ABCA5: variants seen among roughly 807,000 people sequenced by gnomAD.
ABCA5 encodes the protein cholesterol transporter ABCA5.
Under a neutral mutation model 206.0 loss-of-function variants are expected in ABCA5, and 163 were observed. That is an observed-to-expected ratio of 0.79 (90% CI 0.70 to 0.90). The LOEUF (loss-of-function observed/expected upper bound fraction) is 0.90. Among genes scored for constraint, ABCA5 ranks in the 40% least tolerant of loss-of-function variants. The pLI is 0.00. For missense variants in ABCA5, 1,859 were observed against 1,912.9 expected (o/e 0.97, Z 0.53); for synonymous variants, 609 against 613.8 (o/e 0.99, Z 0.11).
At chr17:69,261,575 A>G in intron 25 of ABCA5, 60 bp downstream of exon 25, 1 of 795,400 alleles carries the variant, frequency 1.3e-6, no homozygotes. Flanking sequence ...TATAATCAGG[A>G]AAGAATTCAT....
chr17:69,282,263 A>C (rs1192894842), intron 18 of ABCA5, among the ~76,000 whole-genome samples: 1 of 152,148 alleles, frequency 6.6e-6, no homozygotes, highest in Non-Finnish European at 1.5e-5. Context: ...GAAAAAGTAG[A>C]GTAATAATTG....
chr17:69,313,295 T>A lies in ABCA5; in HGVS notation c.104A>T (p.Glu35Val). The A allele has an allele frequency of 1.5e-6, 2 of 1,327,162 alleles. No homozygotes were observed. Among genetic ancestry groups the A allele is most frequent in the African/African-American group, 1.5e-5 (1 of 67,104 alleles). The allele number at this position is 1,327,162 out of a possible 1,614,324, so 82.2% of individuals were successfully genotyped here. ...TAAAAAAAATAGTGGAAAAAGAATTTCCTACAATAAAAGAAACAAAGTAAT... is the reference window on the plus strand; with the variant it reads ...TAAAAAAAATAGTGGAAAAAGAATTACCTACAATAAAAGAAACAAAGTAAT... ...KCRTKKSSVQ[E>V]ILFPLFFLFW... The change falls in exon 3 of 39, where the codon GAA becomes GTA. Residue 35 changes from glutamate to valine, a missense_variant and splice_region_variant. By Grantham distance (121) the Glu-to-Val change is moderately radical. Coordinates refer to ENST00000392676, the MANE Select transcript of ABCA5 (RefSeq NM_172232.4).
At chr17:69,311,379 T>A (rs1257216286) in intron 3 of ABCA5, among the ~76,000 whole-genome samples, 7 of 152,160 alleles carry the variant, frequency 4.6e-5, no homozygotes, top group African/African-American at 1.7e-4. Context: ...TTTCAGATAG[T>A]TCTGTTGTTA....
At chr17:69,255,927 CA>C in intron 29 of ABCA5, 77 bp from the exon 30 acceptor site, 1 of 1,253,680 alleles carries the variant, frequency 8.0e-7, no homozygotes, top group Non-Finnish European at 1.1e-6. Context: ...ACCTCATATC[CA>C]TATTACAAAA....
Position 69,245,179 on chromosome 17 carries a change from T to C in ABCA5, c.*2358A>G, listed in dbSNP as rs1290994094. ...CCCACTGTCTTTACTGAAAACAAAC[T>C]AGAAAAAAAAATTAAGAGCCCACAA... On this transcript the variant is annotated 3_prime_UTR_variant, in exon 39 of 39. Transcript: ENST00000392676. The C allele has an allele frequency of 3.3e-5, 5 of 151,518 alleles. No individual in the cohort carries two copies. The highest frequency in any genetic ancestry group is 7.4e-5 in the Non-Finnish European group (5 of 67,716). The allele number at this position is 151,518 out of a possible 1,614,324, so 9.4% of individuals were successfully genotyped here.
chr17:69,255,643 A>C lies in ABCA5; in HGVS notation c.3977-9T>G, dbSNP rs758527113. On this transcript the variant is annotated splice_polypyrimidine_tract_variant and intron_variant, in intron 30 of 38. Coordinates refer to ENST00000392676, the MANE Select transcript of ABCA5 (RefSeq NM_172232.4). ...TAGTCCTAAGATCTCTCCTAAAGGAATTGAAAGAAAAAAAAATCATAATCA... is the reference window on the plus strand; with the variant it reads ...TAGTCCTAAGATCTCTCCTAAAGGACTTGAAAGAAAAAAAAATCATAATCA... The C allele has an allele frequency of 6.3e-7, 1 of 1,575,436 alleles. No individual in the cohort carries two copies. The highest frequency in any genetic ancestry group is 8.6e-7 in the Non-Finnish European group (1 of 1,168,634).
chr17:69,293,858 G>T (rs1332030382), intron 11 of ABCA5, among the ~76,000 whole-genome samples: 7 of 106,130 alleles, frequency 6.6e-5, no homozygotes, highest in Admixed American at 4.1e-4. Flanking sequence ...GTGTGTGTGT[G>T]TGTGTGTGTG....
intron 10 of ABCA5, among the ~76,000 whole-genome samples, chr17:69,296,415 T>G (rs1301772995): frequency 6.6e-6 from 1 of 152,158 alleles, no homozygotes; most frequent in Non-Finnish European, 1.5e-5. Context: ...TGGTACTGAC[T>G]GACCTAACAA....
At chr17:69,287,876 A>G (rs1038031752) in intron 14 of ABCA5, 125 bp from the exon 15 acceptor site, 41 of 899,816 alleles carry the variant, frequency 4.6e-5, no homozygotes, top group Non-Finnish European at 6.2e-5. Flanking sequence ...ATATTAGATC[A>G]GATTTTTTCA....
At chr17:69,307,685 A>G (rs956249190) in intron 5 of ABCA5, among the ~76,000 whole-genome samples, 5 of 152,108 alleles carry the variant, frequency 3.3e-5, no homozygotes, top group South Asian at 2.1e-4. Flanking sequence ...ATTATACATA[A>G]ATCATCTCAT....
intron 9 of ABCA5, among the ~76,000 whole-genome samples, chr17:69,298,530 A>T (rs2075616981): frequency 6.6e-6 from 1 of 152,180 alleles, no homozygotes; most frequent in African/African-American, 2.4e-5. Flanking sequence ...TTTTATCAGT[A>T]CTTGGCATTC....
At chr17:69,276,375 C>T (rs796915227) in intron 19 of ABCA5, among the ~76,000 whole-genome samples, 2 of 152,290 alleles carry the variant, frequency 1.3e-5, no homozygotes, top group African/African-American at 4.8e-5. Flanking sequence ...GCTTGAGCCA[C>T]CGAGCCCAGA....
chr17:69,309,313 G>T lies in ABCA5; in HGVS notation c.418C>A (p.Arg140Ser), dbSNP rs1280114367. Residue 140 changes from arginine to serine, a missense_variant, in exon 4 of 39, where the codon CGT becomes AGT. Arg to Ser is a moderately radical substitution (Grantham distance 110, BLOSUM62 -1). Coordinates refer to ENST00000392676, the MANE Select transcript of ABCA5 (RefSeq NM_172232.4). ...ACTGGAATCATATCAGGAAAAAAAC[G>T]AAGTTCATAGGACATGGAGTCTTTG... ...VFKDSMSYELRFFPDMIPVSS... is the reference protein window; with the variant it reads ...VFKDSMSYELSFFPDMIPVSS... 6.3e-7 allele frequency: 1 copy of T among 1,599,798 alleles called. No individual in the cohort carries two copies. The highest frequency in any genetic ancestry group is 8.5e-7 in the Non-Finnish European group (1 of 1,175,920).
intron 24 of ABCA5, among the ~76,000 whole-genome samples, chr17:69,264,485 C>A (rs975109729): frequency 6.6e-6 from 1 of 151,984 alleles, no homozygotes; most frequent in African/African-American, 2.4e-5. Flanking sequence ...CTGATTACAC[C>A]CAAGTAGGTG....
At chr17:69,247,679 G>A (rs781713936) in intron 38 of ABCA5, 35 bp from the exon 39 acceptor site, 2 of 1,257,750 alleles carry the variant, frequency 1.6e-6, no homozygotes, top group Admixed American at 2.0e-5. Context: ...ACAGTATGCT[G>A]TATCTCAAGT....
intron 2 of ABCA5, 45 bp downstream of exon 2, chr17:69,314,268 GC>G (rs1204625169): frequency 8.1e-7 from 1 of 1,239,336 alleles, no homozygotes; most frequent in Non-Finnish European, 1.2e-6. Context: ...AATATATCAA[GC>G]AAAATAAACT....
intron 14 of ABCA5, among the ~76,000 whole-genome samples, chr17:69,288,722 GAAA>G (rs2075490538): frequency 4.7e-4 from 1 of 2,122 alleles, no homozygotes; most frequent in African/African-American, 7.1e-4. Flanking sequence ...AAAAAAAGAA[GAAA>G]GAAAGAAAGA....
chr17:69,280,507 C>T lies in ABCA5; in HGVS notation c.2393-2665G>A, dbSNP rs564780549. On this transcript the variant is annotated intron_variant, in intron 18 of 38. Coordinates refer to ENST00000392676, the MANE Select transcript of ABCA5 (RefSeq NM_172232.4). ...CTCAGGGATCTAGAACTAGAAATACCATTTGACCCAGCCATCCCATTACTG... is the reference window on the plus strand; with the variant it reads ...CTCAGGGATCTAGAACTAGAAATACTATTTGACCCAGCCATCCCATTACTG... 6.5e-3 allele frequency among the ~76,000 whole-genome samples: 982 copies of T among 150,740 alleles called. 14 individuals carry two copies. Among genetic ancestry groups the T allele is most frequent in the African/African-American group, 0.022 (915 of 40,922 alleles).
chr17:69,296,410 C>T (rs2075583868), intron 10 of ABCA5, among the ~76,000 whole-genome samples: 1 of 151,676 alleles, frequency 6.6e-6, no homozygotes, highest in African/African-American at 2.4e-5. Context: ...AAATTTGGTA[C>T]TGACTGACCT....
Sources: allele counts gnomAD v4.1 joint callset (sites outside exome capture counted in the v4.1 genomes callset), GRCh38; gene constraint gnomAD v4.1.1; transcripts MANE v1.5; gene names NCBI Gene and HGNC (gene_info 2026-07-23, HGNC 2026-07-21).